Variants in MFSD11 observed in about 807,000 individuals in gnomAD.
MFSD11 encodes UNC93-like protein MFSD11.
In MFSD11, 36 loss-of-function variants were observed where a neutral mutation model predicts 53.5. The ratio of observed to expected loss-of-function variants is 0.67; its 90% CI spans 0.52 to 0.89. The LOEUF is 0.89. Among genes scored for constraint, MFSD11 ranks in the 40% least tolerant of loss-of-function variants. The pLI is 0.00. For synonymous variants in MFSD11, 186 were observed against 184.9 expected (o/e 1.01, Z -0.05); for missense variants, 530 against 543.9 (o/e 0.97, Z 0.25).
the MFSD11 span, among the ~76,000 whole-genome samples, chr17:76,797,892 T>TG: frequency 1.3e-5 from 2 of 150,600 alleles, no homozygotes; most frequent in Non-Finnish European, 3.0e-5. Flanking sequence ...AGGAAAACAT[T>TG]TTTTTTTTTG....
intron 8 of MFSD11, among the ~76,000 whole-genome samples, chr17:76,757,733 G>A (rs944033755): frequency 5.9e-5 from 9 of 152,136 alleles, no homozygotes; most frequent in African/African-American, 9.7e-5. Context: ...TTCTCAGGCC[G>A]GGCACGGTGG....
chr17:76,768,883 G>T (rs771798946), intron 9 of MFSD11, among the ~76,000 whole-genome samples: 1 of 151,912 alleles, frequency 6.6e-6, no homozygotes, highest in Non-Finnish European at 1.5e-5. Context: ...TACTTGGGAG[G>T]CTGAGGCAAG....
At chr17:76,768,305 C>CAAAAAA in intron 9 of MFSD11, among the ~76,000 whole-genome samples, 1 of 46,762 alleles carries the variant, frequency 2.1e-5, no homozygotes, top group South Asian at 6.4e-4. Flanking sequence ...ACCTCCGTCT[C>CAAAAAA]AAAAAAAAAA....
At chr17:76,762,604 C>T (rs530617640) in intron 8 of MFSD11, among the ~76,000 whole-genome samples, 7 of 150,256 alleles carry the variant, frequency 4.7e-5, no homozygotes, top group African/African-American at 9.9e-5. Context: ...TGCAGTGAGC[C>T]GAGATCGCGC....
chr17:76,754,340 G>A (rs905756756), intron 8 of MFSD11: 1 of 423,480 alleles, frequency 2.4e-6, no homozygotes, highest in Non-Finnish European at 4.3e-6. Context: ...ATAGCACTCA[G>A]GTTCTCCCTG....
At chr17:76,794,727 C>T in the MFSD11 span, among the ~76,000 whole-genome samples, 1 of 111,128 alleles carries the variant, frequency 9.0e-6, no homozygotes, top group African/African-American at 3.5e-5. Flanking sequence ...GAGTGTCACT[C>T]TGTCACTCAG....
the MFSD11 span, among the ~76,000 whole-genome samples, chr17:76,803,680 C>T: frequency 6.6e-6 from 1 of 152,184 alleles, no homozygotes; most frequent in African/African-American, 2.4e-5. Flanking sequence ...TCTGACCCAA[C>T]AGTCAGCACT....
At chr17:76,775,971 TTTTA>T (rs768711656) in intron 11 of MFSD11, among the ~76,000 whole-genome samples, 4 of 152,034 alleles carry the variant, frequency 2.6e-5, no homozygotes, top group Non-Finnish European at 5.9e-5. Flanking sequence ...TATGTTTTAT[TTTTA>T]TTTATTTATT....
At chr17:76,753,945 T>TG (rs1245365296) in intron 7 of MFSD11, 102 bp from the exon 8 acceptor site, 1 of 939,932 alleles carries the variant, frequency 1.1e-6, no homozygotes, top group Non-Finnish European at 1.6e-6. Flanking sequence ...TCAGACCTGG[T>TG]ATAGGACAGG....
At chr17:76,783,799 G>C (rs2082228550), downstream of MFSD11, among the ~76,000 whole-genome samples, 1 of 152,018 alleles carries the variant, frequency 6.6e-6, no homozygotes, top group African/African-American at 2.4e-5. Flanking sequence ...CCTGAGCTCA[G>C]GTGATCTGCC....
downstream of MFSD11, among the ~76,000 whole-genome samples, chr17:76,782,132 C>A (rs1471906301): frequency 2.0e-5 from 3 of 150,514 alleles, no homozygotes; most frequent in Non-Finnish European, 3.0e-5. Context: ...TCTCCCCCGC[C>A]CCCGGCCCCT....
chr17:76,777,267 CAA>C (rs1055404399), intron 12 of MFSD11, among the ~76,000 whole-genome samples: 13 of 57,976 alleles, frequency 2.2e-4, no homozygotes, highest in Admixed American at 7.3e-4. Context: ...GACTCCGTCT[CAA>C]AAAAAAAAAA....
downstream of MFSD11, among the ~76,000 whole-genome samples, chr17:76,784,933 C>G (rs977679564): frequency 6.6e-6 from 1 of 152,124 alleles, no homozygotes; most frequent in African/African-American, 2.4e-5. Context: ...TTATTCTCAA[C>G]AAACTAAAAA....
At chr17:76,766,162 A>G (rs1012562534) in intron 8 of MFSD11, among the ~76,000 whole-genome samples, 5 of 151,572 alleles carry the variant, frequency 3.3e-5, no homozygotes, top group African/African-American at 1.2e-4. Context: ...CACGTCTGTG[A>G]TCCTAGCACT....
chr17:76,784,948 A>G (rs1287655469), downstream of MFSD11, among the ~76,000 whole-genome samples: 1 of 152,230 alleles, frequency 6.6e-6, no homozygotes, highest in Non-Finnish European at 1.5e-5. Flanking sequence ...TAAAAATAGA[A>G]TTACATATGA....
chr17:76,741,926 C>T, intron 3 of MFSD11, 43 bp from the exon 4 acceptor site: 1 of 1,613,238 alleles, frequency 6.2e-7, no homozygotes, highest in Non-Finnish European at 8.5e-7. Context: ...CATTCTATTT[C>T]AGGTATCGTT....
chr17:76,793,219 G>C, the MFSD11 span, among the ~76,000 whole-genome samples: 1 of 151,292 alleles, frequency 6.6e-6, no homozygotes, highest in African/African-American at 2.5e-5. Flanking sequence ...TAATAAGCCT[G>C]GGAGCACTAT....
At chr17:76,756,416 A>G (rs925878143) in intron 8 of MFSD11, among the ~76,000 whole-genome samples, 1 of 152,020 alleles carries the variant, frequency 6.6e-6, no homozygotes, top group African/African-American at 2.4e-5. Flanking sequence ...GAGCCACCAC[A>G]CCTGGCTCGG....
chr17:76,739,625 C>A (rs1243367059), intron 2 of MFSD11, among the ~76,000 whole-genome samples: 1 of 152,058 alleles, frequency 6.6e-6, no homozygotes, highest in African/African-American at 2.4e-5. Context: ...TTGTGTACAA[C>A]ATGTTTTGAA....
Sources: gnomAD v4.1 joint callset for allele counts (sites outside exome capture counted in the v4.1 genomes callset) on GRCh38, gnomAD v4.1.1 for gene constraint, MANE v1.5 for transcripts, NCBI Gene and HGNC (gene_info 2026-07-23, HGNC 2026-07-21) for gene names.